CHST15: variants seen among roughly 807,000 people sequenced by gnomAD.
The protein encoded by CHST15 is B cell RAG associated protein (GALNAC4S-6ST).
Under a neutral mutation model 53.6 loss-of-function variants are expected in CHST15, and 30 were observed. That is an observed-to-expected ratio of 0.56 (90% confidence interval 0.42 to 0.76). The LOEUF (loss-of-function observed/expected upper bound fraction) is 0.76, where lower values mean the gene tolerates loss of function less well. CHST15 is among the 30% of genes least tolerant of loss of function. The pLI is 0.00. For missense variants in CHST15, 627 were observed against 740.5 expected (o/e 0.85, Z 1.78); for synonymous variants, 296 against 289.8 (o/e 1.02, Z -0.22).
At chr10:124,085,931 T>C (rs1438535066) in intron 1 of CHST15, among the ~76,000 whole-genome samples, 1 of 152,120 alleles carries the variant, frequency 6.6e-6, no homozygotes, top group African/African-American at 2.4e-5. Flanking sequence ...TGTAGCCAGG[T>C]CCAGGCCCGG....
chr10:124,009,693 C>T lies in CHST15; in HGVS notation c.*456G>A, dbSNP rs1046584479. 4 of 1,019,878 alleles carry T rather than the reference C, an allele frequency of 3.9e-6. No individual in the cohort carries two copies. Among genetic ancestry groups the T allele is most frequent in the South Asian group, 3.7e-5 (1 of 27,010 alleles). 63.2% of individuals were successfully genotyped at this position (1,019,878 alleles called of 1,614,324 possible). On this transcript the variant is annotated 3_prime_UTR_variant, in exon 8 of 8. Coordinates refer to ENST00000435907, the MANE Select transcript of CHST15 (RefSeq NM_001270764.2). ...AATACAGACAGTCTGTGCAACACGG[C>T]GAGACCCCATCTCTAGGGGGAAAAA...
intron 5 of CHST15, among the ~76,000 whole-genome samples, chr10:124,035,633 C>G (rs1947468196): frequency 6.6e-6 from 1 of 151,964 alleles, no homozygotes; most frequent in African/African-American, 2.4e-5. Flanking sequence ...ACCCTGGCTC[C>G]AACCCCTAAC....
In CHST15 at chr10:124,080,683, G is replaced by A. The variant is rs370663918; in HGVS notation, c.-513+12786C>T. ...ACATTGAAGGGCCAGGCTCCCCAAT[G>A]TTCTTCTTGATCAAAGCTGAAGGAT... On this transcript the variant is annotated intron_variant, in intron 1 of 7. Coordinates refer to ENST00000435907, the MANE Select transcript of CHST15 (RefSeq NM_001270764.2). Among the ~76,000 whole-genome samples, 27 of 152,316 alleles carry A rather than the reference G, an allele frequency of 1.8e-4. No individual in the cohort carries two copies. In the East Asian group the frequency reaches 5.2e-3, roughly 29 times the overall value.
rs1194794646 is a variant in CHST15 at position 124,038,672 on chromosome 10, CT to C, written c.1034-2del. On this transcript the variant is annotated splice_acceptor_variant, in intron 4 of 7. Coordinates refer to ENST00000435907, the MANE Select transcript of CHST15 (RefSeq NM_001270764.2). LOFTEE classifies it high-confidence loss of function. ...CACATCGTGGAGGCACTGGCCTCCC[CT>C]GGAAACAGAAAACACTCCAAGTGAG... The C allele has an allele frequency of 6.2e-7, 1 of 1,613,854 alleles. No individual in the cohort carries two copies. Among genetic ancestry groups the C allele is most frequent in the Non-Finnish European group, 8.5e-7 (1 of 1,179,868 alleles).
At chr10:124,092,271 C>A (rs1324234570) in intron 1 of CHST15, 1 of 154,826 alleles carries the variant, frequency 6.5e-6, no homozygotes, top group South Asian at 2.0e-4. Context: ...CGCTGCCATC[C>A]GGCTCCCCAG....
intron 1 of CHST15, among the ~76,000 whole-genome samples, chr10:124,061,254 G>A (rs1356685405): frequency 2.6e-5 from 4 of 152,112 alleles, no homozygotes; most frequent in Non-Finnish European, 5.9e-5. Context: ...GAATTCCCAC[G>A]TGTTGTGGGA....
intron 6 of CHST15, among the ~76,000 whole-genome samples, chr10:124,014,537 C>A (rs898420796): frequency 1.3e-4 from 20 of 152,154 alleles, no homozygotes; most frequent in Admixed American, 1.0e-3. Flanking sequence ...GAGAACGTGC[C>A]GGTCTCAGAA....
At chr10:124,078,322 G>A (rs895726321) in intron 1 of CHST15, among the ~76,000 whole-genome samples, 1 of 152,190 alleles carries the variant, frequency 6.6e-6, no homozygotes, top group African/African-American at 2.4e-5. Flanking sequence ...TGGGCAGGGT[G>A]AACTCCTCTG....
intron 1 of CHST15, among the ~76,000 whole-genome samples, chr10:124,048,396 T>C (rs1948075487): frequency 6.6e-6 from 1 of 152,062 alleles, no homozygotes; most frequent in Non-Finnish European, 1.5e-5. Context: ...GAGACCTGAG[T>C]CCTGCAGAGG....
At chr10:124,087,558 A>G (rs1213501273) in intron 1 of CHST15, among the ~76,000 whole-genome samples, 2 of 152,182 alleles carry the variant, frequency 1.3e-5, no homozygotes, top group Non-Finnish European at 2.9e-5. Context: ...GCAATTCTGG[A>G]AAGTGTCCAA....
intron 1 of CHST15, among the ~76,000 whole-genome samples, chr10:124,048,732 C>T (rs542413860): frequency 6.6e-6 from 1 of 152,284 alleles, no homozygotes; most frequent in Non-Finnish European, 1.5e-5. Context: ...GGAGGGAATT[C>T]GCACCCTCCT....
rs940736622 is a variant in CHST15, at chr10:124,074,795, T to G, written c.-513+18674A>C. Among the ~76,000 whole-genome samples, 1 of 152,172 alleles carries G rather than the reference T, an allele frequency of 6.6e-6. No homozygotes were observed. Among genetic ancestry groups the G allele is most frequent in the Non-Finnish European group, 1.5e-5 (1 of 68,024 alleles). Reference sequence around the variant, plus strand: ...TTCACCTCCTAGACTCTAACCTCCATGAGGACAGGACCTGGGCATGTCTCA... The same window carrying G: ...TTCACCTCCTAGACTCTAACCTCCAGGAGGACAGGACCTGGGCATGTCTCA... On this transcript the variant is annotated intron_variant, in intron 1 of 7. Coordinates refer to ENST00000435907, the MANE Select transcript of CHST15 (RefSeq NM_001270764.2). The surrounding 1 kb of genome is among the most constrained non-coding windows in gnomAD (Gnocchi z 4.4).
chr10:124,014,868 AG>A (rs1946538157), intron 6 of CHST15, among the ~76,000 whole-genome samples: 1 of 152,102 alleles, frequency 6.6e-6, no homozygotes, highest in African/African-American at 2.4e-5. Flanking sequence ...TCCTCATGAG[AG>A]CCCCCTGTGC....
At position 124,086,016 on chromosome 10, in the gene CHST15, G is replaced by A. The variant is rs1170096611; in HGVS notation, c.-513+7453C>T. Among the ~76,000 whole-genome samples, 5 of 152,308 alleles carry A rather than the reference G, an allele frequency of 3.3e-5. No individual in the cohort carries two copies. The East Asian group carries it at 9.7e-4, about 29-fold the overall frequency. Reference sequence around the variant, plus strand: ...AGGCCCTGTGGGGGGCTGGGACCAAGAGAGAGGAGGCAGAGAAGCTTCTCC... The same window carrying A: ...AGGCCCTGTGGGGGGCTGGGACCAAAAGAGAGGAGGCAGAGAAGCTTCTCC... On this transcript the variant is annotated intron_variant, in intron 1 of 7. Transcript: ENST00000435907.
In CHST15 at chr10:124,019,755, G is replaced by A. The variant is rs1590189059; in HGVS notation, c.1347+1501C>T. On this transcript the variant is annotated intron_variant, in intron 6 of 7. Coordinates refer to ENST00000435907, the MANE Select transcript of CHST15 (RefSeq NM_001270764.2). This position sits in a 1 kb window ranked among gnomAD's most constrained non-coding sequence, Gnocchi z 4.6. ...CACTATCTTCTGCTTAAAACCCTCTGAGGGGTCCCATCTCTCTCAGGGTGA... is the reference window on the plus strand; with the variant it reads ...CACTATCTTCTGCTTAAAACCCTCTAAGGGGTCCCATCTCTCTCAGGGTGA... 2 of 982,980 alleles carry A rather than the reference G, an allele frequency of 2.0e-6. No homozygotes were observed. Among genetic ancestry groups the A allele is most frequent in the East Asian group, 2.3e-4 (2 of 8,806 alleles). The allele number at this position is 982,980 out of a possible 1,614,324, so 60.9% of individuals were successfully genotyped here.
rs1026218723 is a variant in CHST15, at chr10:124,021,385, T to C, written c.1218A>G (p.Ala406=). The C allele has an allele frequency of 1.2e-6, 2 of 1,613,902 alleles. No individual in the cohort carries two copies. Among genetic ancestry groups the C allele is most frequent in the African/African-American group, 2.7e-5 (2 of 75,048 alleles). The change falls in exon 6 of 8, where the codon GCA becomes GCG. Residue 406 remains alanine (A), a synonymous_variant. Transcript: ENST00000435907. ...ERLYSDYLYF[A]SSNKSADDFH... is the part of the protein sequence containing the mutation. Reference sequence around the variant, plus strand: ...AGTCGTCCGCGGATTTATTCGAACTTGCAAAGTAGAGATAGTCTGAGTACA... The same window carrying C: ...AGTCGTCCGCGGATTTATTCGAACTCGCAAAGTAGAGATAGTCTGAGTACA...
At chr10:124,078,395 T>C (rs4131643) in intron 1 of CHST15, among the ~76,000 whole-genome samples, 101,207 of 152,094 alleles carry the variant, frequency 0.67, 33,798 homozygotes, top group South Asian at 0.76. Flanking sequence ...GGTTGCTGAG[T>C]GTATGAAATG....
At chr10:124,091,821 C>A (rs1290684196) in intron 1 of CHST15, among the ~76,000 whole-genome samples, 3 of 152,214 alleles carry the variant, frequency 2.0e-5, no homozygotes, top group African/African-American at 2.4e-5. Context: ...GACTTCCCTA[C>A]ACTGGGCGCG....
chr10:124,065,602 C>T (rs1196952785), intron 1 of CHST15, among the ~76,000 whole-genome samples: 1 of 152,148 alleles, frequency 6.6e-6, no homozygotes, highest in Non-Finnish European at 1.5e-5. Context: ...CCCTCCCCCG[C>T]CAGTCCTGCT....
Sources: gnomAD v4.1 joint callset for allele counts (sites outside exome capture counted in the v4.1 genomes callset) on GRCh38, gnomAD v4.1.1 for gene constraint, Gnocchi (gnomAD v3.1) non-coding constraint, MANE v1.5 for transcripts, NCBI Gene and HGNC (gene_info 2026-07-23, HGNC 2026-07-21) for gene names.